FTO: variants seen among roughly 807,000 people sequenced by gnomAD.
FTO encodes alpha-ketoglutarate-dependent dioxygenase FTO.
FTO carries 47 observed loss-of-function variants against 63.9 expected under a neutral mutation model. The ratio of observed to expected loss-of-function variants is 0.74; its 90% confidence interval spans 0.58 to 0.94. The LOEUF is 0.94. Among genes scored for constraint, FTO ranks in the 40% least tolerant of loss-of-function variants. The pLI, the probability that FTO is intolerant of heterozygous loss-of-function variation, is 0.00. For synonymous variants in FTO, 207 were observed against 224.4 expected, an observed-to-expected ratio of 0.92 and a Z score of 0.69; for missense variants, 562 against 618.1, an observed-to-expected ratio of 0.91 and a Z score of 0.96.
At chr16:53,719,357 G>A (rs1249723421) in intron 1 of FTO, among the ~76,000 whole-genome samples, 1 of 147,538 alleles carries the variant, frequency 6.8e-6, no homozygotes, top group African/African-American at 2.5e-5. Context: ...TCAGCCCCCC[G>A]AGTAGCTGGG....
At chr16:53,904,138 T>C (rs9937234) in intron 7 of FTO, among the ~76,000 whole-genome samples, 132,261 of 151,990 alleles carry the variant, frequency 0.87, 57,726 homozygotes, top group East Asian at 1. Flanking sequence ...GTCCATATAA[T>C]GCCAGTTTCC....
chr16:54,095,084 T>A (rs1043390370), intron 8 of FTO, among the ~76,000 whole-genome samples: 22 of 152,204 alleles, frequency 1.4e-4, no homozygotes, highest in African/African-American at 5.1e-4. Context: ...CTTTCTTTTT[T>A]GGCAGAGACA....
chr16:54,082,700 A>G (rs1315054060), intron 8 of FTO, among the ~76,000 whole-genome samples: 1 of 152,180 alleles, frequency 6.6e-6, no homozygotes, highest in Non-Finnish European at 1.5e-5. Context: ...GTCAGTTTTC[A>G]TGGTAAGCAA....
chr16:53,758,404 T>C (rs2076972334), intron 1 of FTO, among the ~76,000 whole-genome samples: 1 of 152,224 alleles, frequency 6.6e-6, no homozygotes, highest in Non-Finnish European at 1.5e-5. Flanking sequence ...TTGTGACCTC[T>C]GTTGTTTGGG....
intron 8 of FTO, among the ~76,000 whole-genome samples, chr16:54,014,118 T>C (rs74019531): frequency 0.032 from 4,851 of 152,268 alleles, 268 homozygotes; most frequent in African/African-American, 0.11. Context: ...TGCACTTTGG[T>C]TTTCAGGAAG....
At chr16:53,974,617 G>A (rs532363187) in intron 8 of FTO, among the ~76,000 whole-genome samples, 5 of 151,728 alleles carry the variant, frequency 3.3e-5, no homozygotes, top group South Asian at 2.1e-4. Flanking sequence ...AGCATATAAC[G>A]AAATGAACTT....
At chr16:53,952,061 C>G (rs1159370317) in intron 8 of FTO, among the ~76,000 whole-genome samples, 1 of 152,110 alleles carries the variant, frequency 6.6e-6, no homozygotes, top group Non-Finnish European at 1.5e-5. Context: ...TTACTGTATG[C>G]CAGGTACTAT....
intron 8 of FTO, among the ~76,000 whole-genome samples, chr16:53,983,738 A>G (rs547546938): frequency 6.6e-6 from 1 of 152,204 alleles, no homozygotes; most frequent in East Asian, 1.9e-4. Flanking sequence ...ACTAGAAAGC[A>G]CACCCCCGGT....
intron 8 of FTO, among the ~76,000 whole-genome samples, chr16:53,949,049 T>C (rs534238396): frequency 5.9e-5 from 9 of 152,322 alleles, no homozygotes; most frequent in Non-Finnish European, 1.2e-4. Flanking sequence ...CAAAAGTGAA[T>C]GAGGTGTATA....
At chr16:53,831,512 A>T (rs1187825685) in intron 3 of FTO, among the ~76,000 whole-genome samples, 2 of 152,198 alleles carry the variant, frequency 1.3e-5, no homozygotes, top group Non-Finnish European at 2.9e-5. Flanking sequence ...TGCCTATGCA[A>T]TTATTTTTTC....
chr16:53,878,152 G>A (rs1451149360), intron 5 of FTO, among the ~76,000 whole-genome samples: 1 of 147,602 alleles, frequency 6.8e-6, no homozygotes, highest in Admixed American at 6.6e-5. Flanking sequence ...ACAAAAATTA[G>A]CTGGGCGTGG....
chr16:53,744,750 T>A (rs1185958468), intron 1 of FTO, among the ~76,000 whole-genome samples: 1 of 152,194 alleles, frequency 6.6e-6, no homozygotes, highest in Non-Finnish European at 1.5e-5. Context: ...CAAGGACACC[T>A]AGACAAGATG....
intron 1 of FTO, among the ~76,000 whole-genome samples, chr16:53,803,232 G>T (rs11075993): frequency 0.31 from 46,710 of 152,060 alleles, 8,738 homozygotes; most frequent in Non-Finnish European, 0.42. Context: ...TTCAGGTGTT[G>T]CATTTAATTA....
intron 2 of FTO, among the ~76,000 whole-genome samples, 165 bp downstream of exon 2, chr16:53,810,382 C>T (rs1115005): frequency 0.027 from 4,121 of 152,252 alleles, 182 homozygotes; most frequent in African/African-American, 0.094. Context: ...TCTTCAGAAT[C>T]GGCTTTTTGC....
chr16:54,012,718 A>G (rs1259050304), intron 8 of FTO, among the ~76,000 whole-genome samples: 1 of 152,180 alleles, frequency 6.6e-6, no homozygotes, highest in African/African-American at 2.4e-5. Flanking sequence ...AATTATGCTA[A>G]ATCTATTCTG....
intron 1 of FTO, among the ~76,000 whole-genome samples, chr16:53,720,772 CTTTTCT>C (rs1044732112): frequency 6.6e-6 from 1 of 151,134 alleles, no homozygotes; most frequent in African/African-American, 2.4e-5. Flanking sequence ...CTGAGATGTA[CTTTTCT>C]TTTTCTTTTT....
At chr16:53,963,634 G>A (rs565758922) in intron 8 of FTO, among the ~76,000 whole-genome samples, 20 of 152,302 alleles carry the variant, frequency 1.3e-4, no homozygotes, top group African/African-American at 4.3e-4. Flanking sequence ...ATCTGGCCAC[G>A]TGACGTGCCT....
chr16:53,765,594 C>T (rs1327959749), intron 1 of FTO, among the ~76,000 whole-genome samples: 2 of 150,836 alleles, frequency 1.3e-5, no homozygotes, highest in East Asian at 1.9e-4. Flanking sequence ...TATTTAAGGT[C>T]GTAAATAAGG....
At chr16:53,968,554 A>G (rs2083245766) in intron 8 of FTO, among the ~76,000 whole-genome samples, 1 of 152,308 alleles carries the variant, frequency 6.6e-6, no homozygotes, top group African/African-American at 2.4e-5. Flanking sequence ...GCTGGCTCTA[A>G]GAGCCTTTTC....
Sources: allele counts gnomAD v4.1 joint callset (sites outside exome capture counted in the v4.1 genomes callset), GRCh38; gene constraint gnomAD v4.1.1; transcripts MANE v1.5; gene names NCBI Gene and HGNC (gene_info 2026-07-23, HGNC 2026-07-21).